SLC9A2: variants seen among roughly 807,000 people sequenced by gnomAD.
SLC9A2 encodes the protein sodium/hydrogen exchanger 2.
Under a neutral mutation model 71.7 loss-of-function variants are expected in SLC9A2, and 42 were observed. That is an observed-to-expected ratio of 0.59 (90% CI 0.46 to 0.76). The LOEUF is 0.76. SLC9A2 is among the 30% of genes least tolerant of loss of function. SLC9A2 has a pLI of 0.00. For synonymous variants in SLC9A2, 396 were observed against 392.5 expected (o/e 1.01, Z -0.10); for missense variants, 829 against 1,017.4 (o/e 0.81, Z 2.52).
chr2:102,673,873 G>A (rs916651223), intron 3 of SLC9A2, among the ~76,000 whole-genome samples: 5 of 150,248 alleles, frequency 3.3e-5, no homozygotes, highest in African/African-American at 7.4e-5. Context: ...TGCAAGCTCC[G>A]CCTCCTGGGT....
At chr2:102,668,178 T>A (rs554787809) in intron 3 of SLC9A2, among the ~76,000 whole-genome samples, 1 of 152,326 alleles carries the variant, frequency 6.6e-6, no homozygotes, top group East Asian at 1.9e-4. Flanking sequence ...GTAAACATTT[T>A]TGCCCCAAAA....
intron 1 of SLC9A2, among the ~76,000 whole-genome samples, chr2:102,626,267 A>G (rs906641004): frequency 2.0e-5 from 3 of 152,126 alleles, no homozygotes; most frequent in African/African-American, 7.2e-5. Context: ...AAATAATACC[A>G]CATATCTACA....
intron 1 of SLC9A2, among the ~76,000 whole-genome samples, chr2:102,652,439 C>T (rs1197524222): frequency 6.6e-6 from 1 of 152,164 alleles, no homozygotes; most frequent in Non-Finnish European, 1.5e-5. Context: ...GGCGCCCAGC[C>T]TTTCCTCAAA....
chr2:102,638,401 C>G (rs1472266630), intron 1 of SLC9A2, among the ~76,000 whole-genome samples: 1 of 152,158 alleles, frequency 6.6e-6, no homozygotes, highest in African/African-American at 2.4e-5. Context: ...ATACTCTGAC[C>G]ATTGACAAAT....
intron 1 of SLC9A2, among the ~76,000 whole-genome samples, chr2:102,632,442 A>C (rs1249301914): frequency 6.6e-6 from 1 of 151,826 alleles, no homozygotes; most frequent in Non-Finnish European, 1.5e-5. Flanking sequence ...TTAATGATAC[A>C]TGCACAATTA....
intron 1 of SLC9A2, among the ~76,000 whole-genome samples, chr2:102,653,905 G>A (rs116624798): frequency 0.02 from 2,970 of 152,284 alleles, 109 homozygotes; most frequent in African/African-American, 0.068. Flanking sequence ...TGATGTTAGA[G>A]GCACAGTGGT....
chr2:102,655,502 A>T (rs576176595), intron 1 of SLC9A2, among the ~76,000 whole-genome samples: 5 of 152,288 alleles, frequency 3.3e-5, no homozygotes, highest in African/African-American at 1.2e-4. Context: ...GTTTGTTGAT[A>T]TTTAAACTTT....
At chr2:102,676,889 T>G (rs1309112839) in intron 3 of SLC9A2, among the ~76,000 whole-genome samples, 4 of 152,250 alleles carry the variant, frequency 2.6e-5, no homozygotes, top group African/African-American at 9.6e-5. Flanking sequence ...AAGCCTTAAT[T>G]GAGAATATAC....
chr2:102,693,463 A>C (rs1677701033), intron 5 of SLC9A2, among the ~76,000 whole-genome samples: 1 of 152,226 alleles, frequency 6.6e-6, no homozygotes, highest in Non-Finnish European at 1.5e-5. Flanking sequence ...TGATATGTTC[A>C]CTATTGATTT....
chr2:102,685,342 C>T (rs2104541301), intron 5 of SLC9A2, among the ~76,000 whole-genome samples: 1 of 152,278 alleles, frequency 6.6e-6, no homozygotes, highest in South Asian at 2.1e-4. Flanking sequence ...CCATGCAGCC[C>T]AGTGTATGAA....
chr2:102,696,070 C>A (rs1260844364), intron 7 of SLC9A2, among the ~76,000 whole-genome samples: 1 of 151,880 alleles, frequency 6.6e-6, no homozygotes, highest in East Asian at 1.9e-4. Flanking sequence ...GACAGCAGAG[C>A]TAGGAGCAGT....
chr2:102,644,465 A>G (rs139146595), intron 1 of SLC9A2, among the ~76,000 whole-genome samples: 170 of 152,210 alleles, frequency 1.1e-3, no homozygotes, highest in Middle Eastern at 6.8e-3. Context: ...GCAAGAGAGA[A>G]CTGTTCACTC....
At chr2:102,637,252 T>C (rs1676484511) in intron 1 of SLC9A2, among the ~76,000 whole-genome samples, 1 of 152,214 alleles carries the variant, frequency 6.6e-6, no homozygotes, top group Non-Finnish European at 1.5e-5. Context: ...CAGCTCTCAG[T>C]ATTTAATAGC....
At position 102,645,259 on chromosome 2, in the gene SLC9A2, A is replaced by C. The variant is rs1009070544; in HGVS notation, c.290-12305A>C. ...AACAGAAAACAATAACGTCAACATC[A>C]ACAAAAAGGATGCCCACAGAAAAAC... On this transcript the variant is annotated intron_variant, in intron 1 of 11. Transcript: ENST00000233969. Among the ~76,000 whole-genome samples the C allele has an allele frequency of 7.2e-5, 11 of 152,194 alleles. No individual in the cohort carries two copies. In the East Asian group the frequency reaches 9.6e-4, roughly 13 times the overall value.
intron 9 of SLC9A2, 62 bp downstream of exon 9, chr2:102,702,564 T>G (rs563479424): frequency 1.0e-6 from 1 of 983,874 alleles, no homozygotes; most frequent in African/African-American, 1.6e-5. Flanking sequence ...GCCTTCTGGT[T>G]TTGTGCTGTA....
chr2:102,685,471 G>A (rs1677531154), intron 5 of SLC9A2, among the ~76,000 whole-genome samples: 1 of 152,212 alleles, frequency 6.6e-6, no homozygotes, highest in African/African-American at 2.4e-5. Flanking sequence ...ATAGACTGTT[G>A]CGAGGAAAGG....
intron 5 of SLC9A2, among the ~76,000 whole-genome samples, chr2:102,686,110 G>A (rs2104541915): frequency 6.6e-6 from 1 of 152,274 alleles, no homozygotes; most frequent in East Asian, 1.9e-4. Flanking sequence ...GTCACAGAAT[G>A]CTTTCTAGGT....
chr2:102,637,890 C>T, intron 1 of SLC9A2, among the ~76,000 whole-genome samples: 1 of 152,050 alleles, frequency 6.6e-6, no homozygotes, highest in East Asian at 1.9e-4. Flanking sequence ...TCAGTGTGGG[C>T]CCTGTTGGTG....
At chr2:102,662,801 A>G (rs912232934) in intron 2 of SLC9A2, among the ~76,000 whole-genome samples, 2 of 151,006 alleles carry the variant, frequency 1.3e-5, no homozygotes, top group African/African-American at 4.9e-5. Context: ...TGAGACTATG[A>G]GGACTTCCTG....
Sources: gnomAD v4.1 joint callset for allele counts (sites outside exome capture counted in the v4.1 genomes callset) on GRCh38, gnomAD v4.1.1 for gene constraint, MANE v1.5 for transcripts, NCBI Gene and HGNC (gene_info 2026-07-23, HGNC 2026-07-21) for gene names.